KLHL14: variants seen among roughly 807,000 people sequenced by gnomAD.
KLHL14 encodes the protein kelch-like protein 14.
In KLHL14, 22 loss-of-function variants were observed where a neutral mutation model predicts 64.3. The ratio of observed to expected loss-of-function variants is 0.34; its 90% CI spans 0.24 to 0.49. KLHL14 has a LOEUF of 0.49. KLHL14 is among the 20% of genes least tolerant of loss of function. The pLI is 0.99. For missense variants in KLHL14, 661 were observed against 789.0 expected (o/e 0.84, Z 1.94); for synonymous variants, 322 against 333.4 (o/e 0.97, Z 0.37).
intron 3 of KLHL14, among the ~76,000 whole-genome samples, chr18:32,704,340 C>T (rs949557165): frequency 1.3e-5 from 2 of 152,138 alleles, no homozygotes; most frequent in African/African-American, 2.4e-5. Context: ...GAGGAGTTTT[C>T]TGATGCAAAA....
chr18:32,731,223 A>G (rs1275155519), intron 3 of KLHL14, among the ~76,000 whole-genome samples: 2 of 152,234 alleles, frequency 1.3e-5, no homozygotes, highest in Non-Finnish European at 2.9e-5. Flanking sequence ...ATTTGAAAAG[A>G]AACAGTTTAC....
At chr18:32,735,114 T>C (rs773690282) in intron 3 of KLHL14, among the ~76,000 whole-genome samples, 3 of 152,220 alleles carry the variant, frequency 2.0e-5, no homozygotes, top group South Asian at 2.1e-4. Flanking sequence ...TCTAGCTCTA[T>C]TCTATGAACA....
intron 2 of KLHL14, among the ~76,000 whole-genome samples, chr18:32,749,455 T>G (rs1293411331): frequency 6.6e-6 from 1 of 152,200 alleles, no homozygotes; most frequent in East Asian, 1.9e-4. Flanking sequence ...AAGAATGTTG[T>G]AAGGGTTAAA....
At position 32,769,662 on chromosome 18, in the gene KLHL14, C is replaced by A; in HGVS notation, c.930G>T (p.Arg310Ser). 1 of 1,391,590 alleles carries A rather than the reference C, an allele frequency of 7.2e-7. No homozygotes were observed. The highest frequency in any genetic ancestry group is 9.5e-7 in the Non-Finnish European group (1 of 1,054,210). 86.2% of individuals were successfully genotyped at this position (1,391,590 alleles called of 1,614,324 possible). Residue 310 changes from arginine to serine, a missense_variant, in exon 2 of 9, where the codon AGG becomes AGT. Arg to Ser is a moderately radical substitution (Grantham distance 110). Transcript: ENST00000359358. ...YHLMPFRQHC[R>S]QSLASRIRSN... is the part of the protein sequence containing the mutation. Reference sequence around the variant, plus strand: ...TCTCCTACCTGCTGGCCAGGCTCTGCCTGCAGTGCTGCCTGAAGGGCATCA... The same window carrying A: ...TCTCCTACCTGCTGGCCAGGCTCTGACTGCAGTGCTGCCTGAAGGGCATCA...
chr18:32,770,588 A>G lies in KLHL14; in HGVS notation c.4T>C (p.Ser2Pro). ...GTGGAGGTCCTGTCCCCGGATCTGGACATGGCGAGCTGACTCGGTGCACCT... is the reference window on the plus strand; with the variant it reads ...GTGGAGGTCCTGTCCCCGGATCTGGGCATGGCGAGCTGACTCGGTGCACCT... M[S>P]RSGDRTSTFD... Residue 2 changes from serine to proline, a missense_variant, in exon 2 of 9, where the codon TCC (serine) becomes CCC (proline). Physicochemically the swap from Ser to Pro is moderately conservative, Grantham distance 74 (BLOSUM62 -1). Transcript: ENST00000359358. This position sits in a 1 kb window ranked among gnomAD's most constrained non-coding sequence, Gnocchi z 6.7. 6.4e-7 allele frequency: 1 copy of G among 1,565,278 alleles called. No homozygotes were observed. Among genetic ancestry groups the G allele is most frequent in the Non-Finnish European group, 8.6e-7 (1 of 1,159,566 alleles).
chr18:32,699,893 C>G (rs1036699643), intron 3 of KLHL14, among the ~76,000 whole-genome samples: 2 of 151,510 alleles, frequency 1.3e-5, no homozygotes, highest in African/African-American at 2.4e-5. Context: ...CTGAGAAAAT[C>G]AGCCAGTTAA....
At position 32,695,453 on chromosome 18, in the gene KLHL14, C is replaced by A; in HGVS notation, c.1159+10G>T. The A allele has an allele frequency of 6.3e-7, 1 of 1,579,260 alleles. No homozygotes were observed. The highest frequency in any genetic ancestry group is 1.1e-5 in the South Asian group (1 of 90,168). ...GTTGAGCACCTCCAATTAAGTTGTT[C>A]AATAGTTACCATTCGGATTCCACTG... is the stretch of plus-strand genomic sequence containing the variant. On this transcript the variant is annotated intron_variant, in intron 4 of 8. Coordinates refer to ENST00000359358, the MANE Select transcript of KLHL14 (RefSeq NM_020805.3).
rs115824928 is a variant in KLHL14, at chr18:32,675,288, T to C, written c.1747-491A>G. Among the ~76,000 whole-genome samples, 340 of 152,282 alleles carry C rather than the reference T, an allele frequency of 2.2e-3. 1 individual carries two copies. The highest frequency in any genetic ancestry group is 8.0e-3 in the African/African-American group (333 of 41,558). On this transcript the variant is annotated intron_variant, in intron 8 of 8. Transcript: ENST00000359358. Reference sequence around the variant, plus strand: ...TAGGACAGGAGGATCGTGGTTACAATGAGCTCTGATCATGCCACTGTACTC... The same window carrying C: ...TAGGACAGGAGGATCGTGGTTACAACGAGCTCTGATCATGCCACTGTACTC...
intron 2 of KLHL14, among the ~76,000 whole-genome samples, chr18:32,761,388 A>G (rs2050312973): frequency 8.1e-6 from 1 of 123,088 alleles, no homozygotes; most frequent in African/African-American, 3.5e-5. Context: ...ATGTAGCCAC[A>G]CATCCTTTTT....
intron 3 of KLHL14, among the ~76,000 whole-genome samples, chr18:32,708,919 C>G (rs2050004654): frequency 1.3e-5 from 2 of 152,278 alleles, no homozygotes; most frequent in South Asian, 4.1e-4. Flanking sequence ...CCCTCCTGGT[C>G]ATGTGGCCCA....
chr18:32,743,400 T>A lies in KLHL14; in HGVS notation c.948-1351A>T, dbSNP rs906842367. The A allele has an allele frequency of 2.4e-3, 5 of 2,104 alleles. No individual in the cohort carries two copies. In the Admixed American group the frequency reaches 0.11, roughly 46 times the overall value. The allele number at this position is 2,104 out of a possible 1,614,324, so 0.1% of individuals were successfully genotyped here. A position where few individuals can be genotyped will look rare whatever the true frequency, so the allele number is the denominator to read the frequency against. On this transcript the variant is annotated intron_variant, in intron 2 of 8. Transcript: ENST00000359358. ...TTAACTTAATACAGTTAATGACATCTCCATGTGGAAGGAAGGGAACAAGAG... is the reference window on the plus strand; with the variant it reads ...TTAACTTAATACAGTTAATGACATCACCATGTGGAAGGAAGGGAACAAGAG...
intron 4 of KLHL14, among the ~76,000 whole-genome samples, chr18:32,687,668 C>T (rs2049886112): frequency 6.6e-6 from 1 of 152,128 alleles, no homozygotes; most frequent in Non-Finnish European, 1.5e-5. Flanking sequence ...ACAACAACAA[C>T]AACAAAAACT....
In KLHL14 at chr18:32,719,897, G is replaced by A. The variant is rs554865268; in HGVS notation, c.1069+22031C>T. 2.6e-5 allele frequency among the ~76,000 whole-genome samples: 4 copies of A among 152,306 alleles called. No individual in the cohort carries two copies. In the East Asian group the frequency reaches 5.8e-4, roughly 22 times the overall value. On this transcript the variant is annotated intron_variant, in intron 3 of 8. Transcript: ENST00000359358. ...AGGTGTAATGGGATGTGCTCCCTTCGCAGCCTGTACCTACTTCAATCTCAG... is the reference window on the plus strand; with the variant it reads ...AGGTGTAATGGGATGTGCTCCCTTCACAGCCTGTACCTACTTCAATCTCAG...
intron 3 of KLHL14, among the ~76,000 whole-genome samples, chr18:32,712,853 T>C (rs1040566113): frequency 6.6e-6 from 1 of 152,172 alleles, no homozygotes; most frequent in Non-Finnish European, 1.5e-5. Context: ...TCTCATATCA[T>C]GTACCTGAAA....
intron 2 of KLHL14, among the ~76,000 whole-genome samples, chr18:32,761,754 T>C (rs1178866233): frequency 2.0e-5 from 3 of 152,202 alleles, no homozygotes; most frequent in Non-Finnish European, 4.4e-5. Context: ...CAACTCTGTA[T>C]CTCAGAACTT....
intron 3 of KLHL14, chr18:32,738,599 A>G (rs1253101649): frequency 6.6e-6 from 1 of 152,170 alleles, no homozygotes; most frequent in Non-Finnish European, 1.5e-5. Context: ...GGCTTTTCTT[A>G]TAATCAGTTT....
At chr18:32,690,413 G>A (rs1824150751) in intron 4 of KLHL14, among the ~76,000 whole-genome samples, 2 of 152,090 alleles carry the variant, frequency 1.3e-5, no homozygotes, top group Non-Finnish European at 2.9e-5. Flanking sequence ...AAGAGTGGCT[G>A]GGAAAGCAGT....
At chr18:32,690,229 C>G (rs8084977) in intron 4 of KLHL14, among the ~76,000 whole-genome samples, 188 of 152,252 alleles carry the variant, frequency 1.2e-3, no homozygotes, top group African/African-American at 4.4e-3. Flanking sequence ...ACCGGCAAAA[C>G]AGTGGATTAC....
chr18:32,736,364 T>A (rs911924986), intron 3 of KLHL14, among the ~76,000 whole-genome samples: 2 of 152,102 alleles, frequency 1.3e-5, no homozygotes, highest in Non-Finnish European at 2.9e-5. Context: ...AAGGTAAAAT[T>A]AGATGCTAAC....
Sources: allele counts gnomAD v4.1 joint callset (sites outside exome capture counted in the v4.1 genomes callset), GRCh38; gene constraint gnomAD v4.1.1; non-coding constraint Gnocchi (gnomAD v3.1); transcripts MANE v1.5; gene names NCBI Gene and HGNC (gene_info 2026-07-23, HGNC 2026-07-21).